The following SKI variants were observed in gnomAD, a reference collection of about 807,000 sequenced individuals.
The protein encoded by SKI is ski oncogene.
SKI carries 23 observed loss-of-function variants against 59.3 expected under a neutral mutation model. The observed-to-expected ratio is 0.39, with a 90% confidence interval of 0.28 to 0.55. The LOEUF (loss-of-function observed/expected upper bound fraction) is 0.55, where lower values mean the gene tolerates loss of function less well. SKI is among the 20% of genes least tolerant of loss of function. The pLI is 0.67. For synonymous variants in SKI, 673 were observed against 488.6 expected (o/e 1.38, Z -4.98); for missense variants, 1,017 against 1,038.9 (o/e 0.98, Z 0.29).
chr1:2,257,664 T>C (rs1354302385), intron 1 of SKI, among the ~76,000 whole-genome samples: 1 of 152,236 alleles, frequency 6.6e-6, no homozygotes, highest in Non-Finnish European at 1.5e-5. Context: ...CTCATGCTTT[T>C]GAATTATTAT....
intron 1 of SKI, among the ~76,000 whole-genome samples, chr1:2,258,703 T>A (rs1488464505): frequency 6.6e-6 from 1 of 152,066 alleles, no homozygotes; most frequent in Non-Finnish European, 1.5e-5. Flanking sequence ...TATAGGCGCC[T>A]GCCACCATGC....
chr1:2,231,016 C>T (rs1638625124), intron 1 of SKI, among the ~76,000 whole-genome samples: 1 of 152,106 alleles, frequency 6.6e-6, no homozygotes, highest in Non-Finnish European at 1.5e-5. Flanking sequence ...CCTGCCAGGC[C>T]AGGGCTCAGG....
At chr1:2,287,177 C>T (rs1640056850) in intron 1 of SKI, among the ~76,000 whole-genome samples, 1 of 152,052 alleles carries the variant, frequency 6.6e-6, no homozygotes, top group Non-Finnish European at 1.5e-5. Context: ...CACCTGTGCT[C>T]TGGACCCTGG....
intron 1 of SKI, among the ~76,000 whole-genome samples, chr1:2,286,445 A>G (rs1196590251): frequency 6.6e-6 from 1 of 152,180 alleles, no homozygotes; most frequent in South Asian, 2.1e-4. Flanking sequence ...GCAGTGAACT[A>G]TGATGATGCT....
At chr1:2,305,487 G>A (rs1486865929) in intron 5 of SKI, among the ~76,000 whole-genome samples, 4 of 152,192 alleles carry the variant, frequency 2.6e-5, no homozygotes, top group Non-Finnish European at 5.9e-5. Flanking sequence ...TGTTGTCCTT[G>A]ATTCTGGTTG....
chr1:2,274,870 C>CAGCAGA (rs1639706679), intron 1 of SKI, among the ~76,000 whole-genome samples: 1 of 152,236 alleles, frequency 6.6e-6, no homozygotes, highest in African/African-American at 2.4e-5. Flanking sequence ...CGGCCCCCTC[C>CAGCAGA]TGGCTTCTTG....
At position 2,229,078 on chromosome 1, in the gene SKI, A is replaced by T. The variant is rs368195821; in HGVS notation, c.312A>T (p.Val104=). ...GCTCCACCGAGCGCTGCGAGACCGT[A>T]CTGGAAGGCGAGACCATCTCGTGCT... ...SDRSTERCET[V]LEGETISCFV... The change falls in exon 1 of 7, where the codon GTA becomes GTT. Residue 104 remains valine, a synonymous_variant. Transcript: ENST00000378536. This position sits in a 1 kb window ranked among gnomAD's most constrained non-coding sequence, Gnocchi z 6.3. 120 of 1,608,090 alleles carry T rather than the reference A, an allele frequency of 7.5e-5. No individual in the cohort carries two copies. The highest frequency in any genetic ancestry group is 7.1e-5 in the Non-Finnish European group (84 of 1,179,760).
chr1:2,264,339 G>A (rs1048035880), intron 1 of SKI, among the ~76,000 whole-genome samples: 4 of 151,106 alleles, frequency 2.6e-5, no homozygotes, highest in African/African-American at 4.9e-5. Flanking sequence ...GCACGATCTC[G>A]GCTCACTGCA....
intron 1 of SKI, among the ~76,000 whole-genome samples, chr1:2,287,620 G>T (rs1309066431): frequency 6.6e-6 from 1 of 152,196 alleles, no homozygotes; most frequent in East Asian, 1.9e-4. Flanking sequence ...CTGCCTGTGG[G>T]TGGGGGTGGT....
At chr1:2,296,180 A>G (rs1569844003) in intron 1 of SKI, among the ~76,000 whole-genome samples, 1 of 151,682 alleles carries the variant, frequency 6.6e-6, no homozygotes, top group Admixed American at 6.6e-5. Flanking sequence ...GGAGTTCAGG[A>G]CCAGCCAGGG....
Position 2,304,522 on chromosome 1 carries a change from G to A in SKI, c.1704G>A (p.Lys568=). ...AKEKFLHEVV[K]MRVKQEEKLS... is the part of the protein sequence containing the mutation. ...AGAAGTTCCTGCATGAGGTGGTCAA[G>A]ATGCGCGTGAAGCAGGAGGAGAAGC... Residue 568 remains lysine (K), a synonymous_variant, in exon 5 of 7, where the codon AAG becomes AAA. Transcript: ENST00000378536. The A allele has an allele frequency of 6.3e-7, 1 of 1,582,382 alleles. No individual in the cohort carries two copies. The highest frequency in any genetic ancestry group is 8.6e-7 in the Non-Finnish European group (1 of 1,165,678).
intron 1 of SKI, among the ~76,000 whole-genome samples, chr1:2,294,152 C>T (rs184855078): frequency 1.6e-3 from 242 of 152,258 alleles, no homozygotes; most frequent in Middle Eastern, 3.4e-3. Context: ...TTCCCCTGAG[C>T]GGGGGCTTCC....
chr1:2,303,517 C>G lies in SKI; in HGVS notation c.1211+117C>G, dbSNP rs1294276866. 1.1e-6 allele frequency: 1 copy of G among 926,664 alleles called. No individual in the cohort carries two copies. The highest frequency in any genetic ancestry group is 1.7e-6 in the Non-Finnish European group (1 of 594,994). The allele number at this position is 926,664 out of a possible 1,614,324, so 57.4% of individuals were successfully genotyped here. A position where few individuals can be genotyped will look rare whatever the true frequency, so the allele number is the denominator to read the frequency against. ...GTGCCCAGACCTGCCGCCTTTTGGT[C>G]AGGGCAGTCTCGGTGTTGGTTCCTT... On this transcript the variant is annotated intron_variant, in intron 3 of 6. Coordinates refer to ENST00000378536, the MANE Select transcript of SKI (RefSeq NM_003036.4). This position sits in a 1 kb window ranked among gnomAD's most constrained non-coding sequence, Gnocchi z 5.6.
rs1557851479 is a variant in SKI at position 2,303,845 on chromosome 1, A to T, written c.1217A>T (p.Tyr406Phe). Residue 406 changes from tyrosine to phenylalanine, a missense_variant, in exon 4 of 7, where the codon TAC becomes TTC. Transcript: ENST00000378536. The surrounding 1 kb of genome is among the most constrained non-coding windows in gnomAD (Gnocchi z 5.6). ...HLPALIRDSF[Y>F]SYKSFETAVA... Reference sequence around the variant, plus strand: ...ACACCCGCCTGCCCCTCCAGCTTCTACTCCTACAAGAGCTTTGAGACAGCC... The same window carrying T: ...ACACCCGCCTGCCCCTCCAGCTTCTTCTCCTACAAGAGCTTTGAGACAGCC... 6.2e-7 allele frequency: 1 copy of T among 1,611,906 alleles called. No individual in the cohort carries two copies. Among genetic ancestry groups the T allele is most frequent in the Non-Finnish European group, 8.5e-7 (1 of 1,179,634 alleles).
intron 1 of SKI, among the ~76,000 whole-genome samples, chr1:2,241,477 C>G (rs1460342935): frequency 1.3e-5 from 2 of 152,270 alleles, no homozygotes; most frequent in Non-Finnish European, 2.9e-5. Flanking sequence ...ACTGCAAGCT[C>G]TGTCTCCCGG....
chr1:2,264,805 TTTTCTTTC>T (rs1261457580), intron 1 of SKI, among the ~76,000 whole-genome samples: 4 of 151,860 alleles, frequency 2.6e-5, no homozygotes, highest in African/African-American at 9.7e-5. Context: ...CCTCTTCTTT[TTTTCTTTC>T]TTTCCTTTGT....
intron 1 of SKI, among the ~76,000 whole-genome samples, chr1:2,253,472 C>T (rs572613973): frequency 4.6e-5 from 7 of 152,332 alleles, no homozygotes; most frequent in African/African-American, 7.2e-5. Flanking sequence ...GAGTGCAGGT[C>T]GTCCTTGGAC....
At chr1:2,264,757 C>CAG (rs1168956500) in intron 1 of SKI, among the ~76,000 whole-genome samples, 1 of 152,038 alleles carries the variant, frequency 6.6e-6, no homozygotes, top group East Asian at 1.9e-4. Context: ...TGCGTGCTTC[C>CAG]AGAGAGAGAT....
rs1465682199 is a variant in SKI, at chr1:2,269,835, G to A, written c.970-33143G>A. Among the ~76,000 whole-genome samples, 1 of 149,326 alleles carries A rather than the reference G, an allele frequency of 6.7e-6. No individual in the cohort carries two copies. The highest frequency in any genetic ancestry group is 1.5e-5 in the Non-Finnish European group (1 of 67,072). On this transcript the variant is annotated intron_variant, in intron 1 of 6. Transcript: ENST00000378536. This position sits in a 1 kb window ranked among gnomAD's most constrained non-coding sequence, Gnocchi z 4.7. ...GTCTGGTGGTGCCTGTGGCTGGCGT[G>A]GGTCTGGCGGGTCTGGTGGTGCCTG...
Sources: gnomAD v4.1 joint callset for allele counts (sites outside exome capture counted in the v4.1 genomes callset) on GRCh38, gnomAD v4.1.1 for gene constraint, Gnocchi (gnomAD v3.1) non-coding constraint, MANE v1.5 for transcripts, NCBI Gene and HGNC (gene_info 2026-07-23, HGNC 2026-07-21) for gene names.